The following NDFIP2 variants were observed in gnomAD, a reference collection of about 807,000 sequenced individuals.
NDFIP2 encodes the protein Nedd4 family interacting protein 2.
Under a neutral mutation model 36.0 loss-of-function variants are expected in NDFIP2, and 19 were observed. That is an observed-to-expected ratio of 0.53 (90% CI 0.37 to 0.77). The LOEUF (loss-of-function observed/expected upper bound fraction) is 0.77. Ranked by LOEUF, NDFIP2 falls within the 30% of genes least tolerant of loss-of-function variation. The pLI, the probability that NDFIP2 is intolerant of heterozygous loss-of-function variation, is 0.00. For synonymous variants in NDFIP2, 181 were observed against 167.7 expected (o/e 1.08, Z -0.61); for missense variants, 446 against 435.8 (o/e 1.02, Z -0.21).
At chr13:79,533,547 AG>A in intron 3 of NDFIP2, 91 bp downstream of exon 3, 1 of 1,230,768 alleles carries the variant, frequency 8.1e-7, no homozygotes, top group Non-Finnish European at 1.1e-6. Flanking sequence ...TTTGTGTGTA[AG>A]TGTGTATGTA....
At chr13:79,506,076 C>G (rs1467952335) in intron 1 of NDFIP2, among the ~76,000 whole-genome samples, 3 of 152,126 alleles carry the variant, frequency 2.0e-5, no homozygotes, top group African/African-American at 7.2e-5. Context: ...AAACTTATTC[C>G]TTTAAGCACA....
At chr13:79,494,757 G>T (rs1873374746) in intron 1 of NDFIP2, among the ~76,000 whole-genome samples, 1 of 151,972 alleles carries the variant, frequency 6.6e-6, no homozygotes, top group Non-Finnish European at 1.5e-5. Flanking sequence ...CCTAAGAAAG[G>T]ATACTTGGGA....
Position 79,481,452 on chromosome 13 carries a change from C to T in NDFIP2, c.249C>T (p.Ser83=), listed in dbSNP as rs763035133. The T allele has an allele frequency of 5.8e-6, 9 of 1,562,720 alleles. No individual in the cohort carries two copies. The highest frequency in any genetic ancestry group is 2.4e-5 in the East Asian group (1 of 42,158). ...VAVGAEHGED[S]LSRKPDPEPG... is the part of the protein sequence containing the mutation. ...TGGGAGCTGAGCACGGAGAAGACTC[C>T]CTCTCTCGGAAGCCGGATCCCGAGC... is the stretch of plus-strand genomic sequence containing the variant. Residue 83 remains serine, a synonymous_variant, in exon 1 of 8, where the codon TCC becomes TCT. Transcript: ENST00000218652.
At chr13:79,523,954 G>A (rs1234866609) in intron 2 of NDFIP2, among the ~76,000 whole-genome samples, 1 of 152,194 alleles carries the variant, frequency 6.6e-6, no homozygotes, top group Admixed American at 6.5e-5. Flanking sequence ...TTAACTCATT[G>A]AAGTATTGCT....
chr13:79,539,023 C>T (rs1178854304), intron 3 of NDFIP2, among the ~76,000 whole-genome samples: 3 of 152,048 alleles, frequency 2.0e-5, no homozygotes, highest in African/African-American at 4.8e-5. Flanking sequence ...CGAATGCCGG[C>T]AGCTTTTCCA....
chr13:79,518,988 G>A (rs1874458087), intron 1 of NDFIP2: 1 of 152,080 alleles, frequency 6.6e-6, no homozygotes, highest in Non-Finnish European at 1.5e-5. Context: ...GTATTTTTTG[G>A]TAGAGATTGG....
At chr13:79,530,466 CAATT>C (rs918609307) in intron 2 of NDFIP2, among the ~76,000 whole-genome samples, 2 of 152,148 alleles carry the variant, frequency 1.3e-5, no homozygotes, top group Admixed American at 6.6e-5. Context: ...TTTGCTACAT[CAATT>C]GACTCTTTGT....
intron 1 of NDFIP2, among the ~76,000 whole-genome samples, chr13:79,493,490 G>T (rs1352776542): frequency 1.3e-5 from 2 of 152,100 alleles, no homozygotes; most frequent in Non-Finnish European, 2.9e-5. Context: ...AGGTTATTTG[G>T]TCTACCCATG....
At chr13:79,546,867 G>A (rs1875700577) in intron 5 of NDFIP2, among the ~76,000 whole-genome samples, 1 of 152,042 alleles carries the variant, frequency 6.6e-6, no homozygotes, top group South Asian at 2.1e-4. Flanking sequence ...TGAAAATGTT[G>A]TATTTCTAAC....
intron 1 of NDFIP2, among the ~76,000 whole-genome samples, chr13:79,514,581 C>G (rs1397850332): frequency 6.6e-6 from 1 of 152,152 alleles, no homozygotes; most frequent in Non-Finnish European, 1.5e-5. Flanking sequence ...TTCCTCAGAA[C>G]TTGATTTTAA....
intron 2 of NDFIP2, among the ~76,000 whole-genome samples, chr13:79,529,879 C>G (rs983964627): frequency 7.2e-5 from 11 of 152,110 alleles, no homozygotes; most frequent in African/African-American, 1.7e-4. Context: ...TGAAGTAAAG[C>G]GAATATCTCA....
At chr13:79,539,896 A>G (rs948411962) in intron 4 of NDFIP2, 121 bp downstream of exon 4, 1 of 726,666 alleles carries the variant, frequency 1.4e-6, no homozygotes, top group African/African-American at 1.8e-5. Context: ...TAAAATGTAA[A>G]TTGTTCCTGA....
intron 6 of NDFIP2, among the ~76,000 whole-genome samples, chr13:79,549,784 C>A (rs1875831009): frequency 6.6e-6 from 1 of 151,712 alleles, no homozygotes; most frequent in African/African-American, 2.4e-5. Context: ...ATTTGGATAA[C>A]AGTATTATTA....
Position 79,520,899 on chromosome 13 carries a change from T to C in NDFIP2, c.411T>C (p.Ser137=). ...NPAPQIVQAA[S]SAPALETDSS... is the part of the protein sequence containing the mutation. ...CACCGCAGATTGTGCAGGCTGCGTCTTCAGCACCAGCACTTGAAACTGACT... is the reference window on the plus strand; with the variant it reads ...CACCGCAGATTGTGCAGGCTGCGTCCTCAGCACCAGCACTTGAAACTGACT... Residue 137 remains serine, a synonymous_variant, in exon 2 of 8, where the codon TCT becomes TCC. Coordinates refer to ENST00000218652, the MANE Select transcript of NDFIP2 (RefSeq NM_019080.3). 1 of 1,613,906 alleles carries C rather than the reference T, an allele frequency of 6.2e-7. No individual in the cohort carries two copies. The highest frequency in any genetic ancestry group is 8.5e-7 in the Non-Finnish European group (1 of 1,179,856).
chr13:79,516,481 C>T (rs1252337821), intron 1 of NDFIP2, among the ~76,000 whole-genome samples: 1 of 152,030 alleles, frequency 6.6e-6, no homozygotes. Context: ...TCTTGGCCTC[C>T]CAAAGGGATT....
At position 79,540,094 on chromosome 13, in the gene NDFIP2, G is replaced by A. The variant is rs1313008938; in HGVS notation, c.715+319G>A. Among the ~76,000 whole-genome samples the A allele has an allele frequency of 1.1e-4, 16 of 152,180 alleles. 1 individual carries two copies. Among genetic ancestry groups the A allele is most frequent in the Admixed American group, 1.0e-3 (16 of 15,280 alleles). ...GCTATATTGGTGCCCATTCAGCTCT[G>A]TAGGAGCGTATAGAATGAAACTATA... On this transcript the variant is annotated intron_variant, in intron 4 of 7. Coordinates refer to ENST00000218652, the MANE Select transcript of NDFIP2 (RefSeq NM_019080.3).
chr13:79,550,890 TGAATG>T, intron 6 of NDFIP2, 122 bp from the exon 7 acceptor site: 1 of 545,776 alleles, frequency 1.8e-6, no homozygotes, highest in Non-Finnish European at 3.3e-6. Context: ...ATTACAGAAA[TGAATG>T]GAAGTCTGCA....
At chr13:79,527,849 T>A (rs1183910243) in intron 2 of NDFIP2, among the ~76,000 whole-genome samples, 1 of 152,178 alleles carries the variant, frequency 6.6e-6, no homozygotes, top group Non-Finnish European at 1.5e-5. Context: ...GACAGCTCCA[T>A]GTGTGTTATT....
intron 6 of NDFIP2, 35 bp from the exon 7 acceptor site, chr13:79,550,982 A>G (rs1198668476): frequency 1.6e-6 from 2 of 1,267,560 alleles, no homozygotes; most frequent in Non-Finnish European, 2.2e-6. Flanking sequence ...TCTGTATAAA[A>G]ACATAGTATA....
Sources: gnomAD v4.1 joint callset for allele counts (sites outside exome capture counted in the v4.1 genomes callset) on GRCh38, gnomAD v4.1.1 for gene constraint, MANE v1.5 for transcripts, NCBI Gene and HGNC (gene_info 2026-07-23, HGNC 2026-07-21) for gene names.